Variants in PLD5 observed in about 807,000 individuals in gnomAD.
PLD5 encodes the protein phospholipase D family member 5, also known as inactive phospholipase D5.
A neutral mutation model predicts 61.1 loss-of-function variants in PLD5; 36 were observed. That is an observed-to-expected ratio of 0.59 (90% CI 0.45 to 0.78). The LOEUF (loss-of-function observed/expected upper bound fraction) is 0.78. Among genes scored for constraint, PLD5 ranks in the 30% least tolerant of loss-of-function variants. The probability of loss-of-function intolerance (pLI) is 0.00; values close to 1 mark genes in which losing one functional copy is unlikely to be tolerated. For synonymous variants in PLD5, 243 were observed against 242.8 expected, an observed-to-expected ratio of 1.00 and a Z score of -0.01; for missense variants, 515 against 644.4, an observed-to-expected ratio of 0.80 and a Z score of 2.17.
intron 2 of PLD5, chr1:242,345,561 GA>G: frequency 7.6e-7 from 1 of 1,322,370 alleles, no homozygotes; most frequent in Non-Finnish European, 1.1e-6. Flanking sequence ...CACTCCCCAG[GA>G]AATGATTGAG....
At chr1:242,517,124 A>T (rs898732031) in intron 1 of PLD5, among the ~76,000 whole-genome samples, 1 of 152,218 alleles carries the variant, frequency 6.6e-6, no homozygotes. Context: ...TCAAATGTAC[A>T]CAATCATACT....
intron 6 of PLD5, among the ~76,000 whole-genome samples, chr1:242,115,475 C>G (rs1282692874): frequency 1.3e-5 from 2 of 152,096 alleles, no homozygotes; most frequent in African/African-American, 4.8e-5. Flanking sequence ...AGTGTACACA[C>G]TTCTTTTCGG....
intron 2 of PLD5, among the ~76,000 whole-genome samples, chr1:242,318,788 G>T (rs1454455307): frequency 6.6e-6 from 1 of 151,942 alleles, no homozygotes; most frequent in African/African-American, 2.4e-5. Context: ...CTTCATCTAG[G>T]CTATAACTTT....
At chr1:242,523,733 C>T (rs961838584) in intron 1 of PLD5, among the ~76,000 whole-genome samples, 3 of 152,212 alleles carry the variant, frequency 2.0e-5, no homozygotes, top group African/African-American at 7.2e-5. Flanking sequence ...AAGCCCACTA[C>T]CATGCAACGC....
chr1:242,527,174 A>G, upstream of PLD5, among the ~76,000 whole-genome samples: 1 of 114,480 alleles, frequency 8.7e-6, no homozygotes, highest in South Asian at 2.9e-4. Context: ...TCTCTCACCC[A>G]GGCTGGAGTG....
intron 4 of PLD5, among the ~76,000 whole-genome samples, chr1:242,254,718 G>A (rs1424787746): frequency 2.0e-5 from 3 of 152,224 alleles, no homozygotes; most frequent in South Asian, 4.2e-4. Context: ...AGAAAGTGCC[G>A]GCCTATGGTT....
At chr1:242,223,945 G>A (rs958625818) in intron 4 of PLD5, among the ~76,000 whole-genome samples, 8 of 151,846 alleles carry the variant, frequency 5.3e-5, no homozygotes, top group African/African-American at 1.9e-4. Context: ...ATATTTATGT[G>A]CACTTTTAGA....
intron 5 of PLD5, among the ~76,000 whole-genome samples, chr1:242,199,247 A>C (rs1428335970): frequency 1.3e-5 from 2 of 151,722 alleles, no homozygotes; most frequent in African/African-American, 4.8e-5. Flanking sequence ...TTATTTTTAA[A>C]ATTTGTATAT....
intron 1 of PLD5, among the ~76,000 whole-genome samples, chr1:242,485,449 G>C (rs895878429): frequency 6.6e-6 from 1 of 152,112 alleles, no homozygotes; most frequent in African/African-American, 2.4e-5. Flanking sequence ...AATCATGAGT[G>C]AACTCTCATC....
At chr1:242,269,765 C>G (rs553680271) in intron 3 of PLD5, among the ~76,000 whole-genome samples, 1 of 152,236 alleles carries the variant, frequency 6.6e-6, no homozygotes, top group South Asian at 2.1e-4. Context: ...CAGGTAAGAG[C>G]CTTTCAGGTG....
At chr1:242,199,026 G>A (rs999614916) in intron 5 of PLD5, among the ~76,000 whole-genome samples, 75 of 152,198 alleles carry the variant, frequency 4.9e-4, no homozygotes, top group African/African-American at 1.8e-3. Context: ...GAGCCACTGT[G>A]CCCTGCCTCA....
chr1:242,480,334 C>A (rs74840804), intron 1 of PLD5, among the ~76,000 whole-genome samples: 1 of 151,926 alleles, frequency 6.6e-6, no homozygotes, highest in Non-Finnish European at 1.5e-5. Context: ...AACTTTAAAC[C>A]CTATCTCACA....
chr1:242,141,523 G>A (rs1310044407), intron 5 of PLD5, among the ~76,000 whole-genome samples: 1 of 152,150 alleles, frequency 6.6e-6, no homozygotes, highest in African/African-American at 2.4e-5. Flanking sequence ...TTGGGGACTG[G>A]TCTTGACCTC....
chr1:242,149,147 C>T (rs182581468), intron 5 of PLD5, among the ~76,000 whole-genome samples: 87 of 151,816 alleles, frequency 5.7e-4, no homozygotes, highest in African/African-American at 1.6e-3. Context: ...TTTACGCAGA[C>T]GCTCTTTATC....
chr1:242,311,073 AC>A (rs544723476), intron 2 of PLD5, among the ~76,000 whole-genome samples: 287 of 152,326 alleles, frequency 1.9e-3, no homozygotes, highest in African/African-American at 6.4e-3. Flanking sequence ...CTATGAGACA[AC>A]ACACTGTCAT....
chr1:242,394,917 T>A lies in PLD5; in HGVS notation c.190-46675A>T, dbSNP rs866798851. ...ATATGATTATATATGAATATATATG[T>A]ATATATGTATACATTATATGAATAT... On this transcript the variant is annotated intron_variant, in intron 1 of 9. Coordinates refer to ENST00000536534, the MANE Select transcript of PLD5 (RefSeq NM_001372062.1). 2.3e-4 allele frequency among the ~76,000 whole-genome samples: 14 copies of A among 59,622 alleles called. 1 individual carries two copies. The highest frequency in any genetic ancestry group is 6.0e-4 in the South Asian group (1 of 1,656). The allele number at this position is 59,622 out of a possible 152,430, so 39.1% of individuals were successfully genotyped here. A position where few individuals can be genotyped will look rare whatever the true frequency, so the allele number is the denominator to read the frequency against.
chr1:242,455,196 A>G (rs548088347), intron 1 of PLD5, among the ~76,000 whole-genome samples: 140 of 152,294 alleles, frequency 9.2e-4, no homozygotes, highest in Non-Finnish European at 1.3e-3. Context: ...TCTTTTACCT[A>G]TTTTAATGCC....
intron 2 of PLD5, among the ~76,000 whole-genome samples, chr1:242,341,507 A>G (rs1017033263): frequency 5.7e-5 from 8 of 140,006 alleles, no homozygotes; most frequent in Non-Finnish European, 1.1e-4. Flanking sequence ...TAAAGTAGTC[A>G]GCTTTTTAAT....
chr1:242,398,996 T>G (rs920316819), intron 1 of PLD5, among the ~76,000 whole-genome samples: 2 of 152,118 alleles, frequency 1.3e-5, no homozygotes, highest in African/African-American at 4.8e-5. Flanking sequence ...GATGACACCA[T>G]TGGGGGAAGC....
Sources: allele counts gnomAD v4.1 joint callset (sites outside exome capture counted in the v4.1 genomes callset), GRCh38; gene constraint gnomAD v4.1.1; transcripts MANE v1.5; gene names NCBI Gene and HGNC (gene_info 2026-07-23, HGNC 2026-07-21).